Variants in CLSTN1 observed in about 807,000 individuals in gnomAD.
CLSTN1 encodes calsyntenin 1.
CLSTN1 carries 28 observed loss-of-function variants against 108.3 expected under a neutral mutation model. That is an observed-to-expected ratio of 0.26 (90% CI 0.19 to 0.35). CLSTN1 has a LOEUF of 0.35. CLSTN1 is among the 10% of genes least tolerant of loss of function. The pLI, the probability that CLSTN1 is intolerant of heterozygous loss-of-function variation, is 1.00. For synonymous variants in CLSTN1, 524 were observed against 534.9 expected, an observed-to-expected ratio of 0.98 and a Z score of 0.28; for missense variants, 1,157 against 1,302.6, an observed-to-expected ratio of 0.89 and a Z score of 1.72.
In CLSTN1 at chr1:9,762,696, C is replaced by G. The variant is rs138307127; in HGVS notation, c.215-6186G>C. Among the ~76,000 whole-genome samples the G allele has an allele frequency of 4.1e-3, 603 of 146,312 alleles. 10 individuals are homozygous for G. The highest frequency in any genetic ancestry group is 0.035 in the East Asian group (174 of 4,958). On this transcript the variant is annotated intron_variant, in intron 2 of 18. Coordinates refer to ENST00000377298, the MANE Select transcript of CLSTN1 (RefSeq NM_001009566.3). ...CTTGCCAAGCAGCGACTATCCACTT[C>G]TCCCCGCTGCACTCGGCCTTGGTGC...
chr1:9,812,856 AAAAAAAAAACAAAC>A (rs1480367055), intron 1 of CLSTN1, among the ~76,000 whole-genome samples: 3 of 151,556 alleles, frequency 2.0e-5, no homozygotes, highest in African/African-American at 7.3e-5. Flanking sequence ...CTCAAAAAAA[AAAAAAAAAACAAAC>A]AAACCTATTG....
chr1:9,757,303 G>A (rs1302068848), intron 2 of CLSTN1, among the ~76,000 whole-genome samples: 13 of 149,974 alleles, frequency 8.7e-5, no homozygotes, highest in African/African-American at 2.2e-4. Flanking sequence ...GTGCAGTGGC[G>A]TGATCTCGGC....
chr1:9,820,582 T>C (rs1655156187), intron 1 of CLSTN1, among the ~76,000 whole-genome samples: 1 of 152,110 alleles, frequency 6.6e-6, no homozygotes, highest in Non-Finnish European at 1.5e-5. Flanking sequence ...TTTTTCAGTA[T>C]ATAGCATTTA....
intron 1 of CLSTN1, chr1:9,781,169 T>G: frequency 1.3e-6 from 1 of 786,576 alleles, no homozygotes; most frequent in Non-Finnish European, 2.3e-6. Context: ...CCCAGAAGCT[T>G]TATCATCAGT....
At chr1:9,806,752 A>G (rs1654525931) in intron 1 of CLSTN1, among the ~76,000 whole-genome samples, 2 of 151,758 alleles carry the variant, frequency 1.3e-5, no homozygotes, top group African/African-American at 4.8e-5. Context: ...GGTGGCGGGC[A>G]CCTGTAGTCC....
intron 15 of CLSTN1, 42 bp downstream of exon 15, chr1:9,733,930 T>C (rs776253292): frequency 1.9e-6 from 3 of 1,572,892 alleles, no homozygotes; most frequent in Non-Finnish European, 2.6e-6. Flanking sequence ...AAGTCCCCTC[T>C]TGCAGCCTGG....
Position 9,744,650 on chromosome 1 carries a change from C to CCA in CLSTN1, c.986-9_986-8dup, listed in dbSNP as rs1651163392. 2.5e-6 allele frequency: 4 copies of CCA among 1,603,160 alleles called. No homozygotes were observed. The highest frequency in any genetic ancestry group is 3.4e-6 in the Non-Finnish European group (4 of 1,177,208). On this transcript the variant is annotated splice_polypyrimidine_tract_variant and splice_region_variant and intron_variant, in intron 7 of 18. Transcript: ENST00000377298. ...GCAGTGCCCGCGGCCGCACCTGAAG[C>CCA]CACAGTGCTCGGTGAAACTCATGTG...
intron 2 of CLSTN1, among the ~76,000 whole-genome samples, chr1:9,769,808 C>T (rs1224886497): frequency 6.6e-6 from 1 of 151,258 alleles, no homozygotes; most frequent in African/African-American, 2.4e-5. Flanking sequence ...TTTGGGAAGC[C>T]GAGGCAGGCA....
chr1:9,735,446 C>T, intron 13 of CLSTN1, 21 bp downstream of exon 13: 1 of 1,614,172 alleles, frequency 6.2e-7, no homozygotes, highest in Non-Finnish European at 8.5e-7. Flanking sequence ...AACAGGCCGG[C>T]TGTTAAAAAT....
At chr1:9,775,727 C>T (rs1445906829) in intron 1 of CLSTN1, among the ~76,000 whole-genome samples, 1 of 152,150 alleles carries the variant, frequency 6.6e-6, no homozygotes, top group East Asian at 1.9e-4. Context: ...AAAGAAATGG[C>T]TTGAAAACGT....
chr1:9,739,814 A>ATT (rs35078301), intron 10 of CLSTN1, among the ~76,000 whole-genome samples: 44 of 122,808 alleles, frequency 3.6e-4, no homozygotes, highest in African/African-American at 6.1e-4. Flanking sequence ...GCAATAGGGC[A>ATT]TTTTTTTTTT....
intron 13 of CLSTN1, 88 bp from the exon 14 acceptor site, chr1:9,735,262 A>C: frequency 6.9e-7 from 1 of 1,458,036 alleles, no homozygotes; most frequent in Non-Finnish European, 9.6e-7. Flanking sequence ...TGGGATACAG[A>C]GGCCCCCACT....
At chr1:9,759,255 T>TCAA (rs1557701836) in intron 2 of CLSTN1, among the ~76,000 whole-genome samples, 1 of 152,238 alleles carries the variant, frequency 6.6e-6, no homozygotes, top group Non-Finnish European at 1.5e-5. Flanking sequence ...TACATGAATT[T>TCAA]CAAATACAAA....
intron 2 of CLSTN1, among the ~76,000 whole-genome samples, chr1:9,770,306 GTAT>G (rs1652608852): frequency 1.3e-5 from 2 of 152,152 alleles, no homozygotes; most frequent in Middle Eastern, 3.4e-3. Context: ...ACTTGTATAA[GTAT>G]TATTTCATCT....
chr1:9,818,888 G>A (rs1293688090), intron 1 of CLSTN1, among the ~76,000 whole-genome samples: 8 of 139,436 alleles, frequency 5.7e-5, no homozygotes, highest in African/African-American at 1.1e-4. Context: ...CCGGGTTCAC[G>A]CCATTCTCCT....
At chr1:9,796,657 C>T (rs59459969) in intron 1 of CLSTN1, among the ~76,000 whole-genome samples, 1,842 of 152,070 alleles carry the variant, frequency 0.012, 42 homozygotes, top group African/African-American at 0.042. Flanking sequence ...GCACTCCAGC[C>T]TGGGCGACAG....
At chr1:9,777,116 C>T (rs1029792579) in intron 1 of CLSTN1, among the ~76,000 whole-genome samples, 7 of 147,882 alleles carry the variant, frequency 4.7e-5, no homozygotes, top group African/African-American at 2.5e-5. Context: ...GCTTCTCGGG[C>T]GGCTGAGGCA....
At chr1:9,736,063 G>T in intron 11 of CLSTN1, 21 bp from the exon 12 acceptor site, 1 of 1,613,984 alleles carries the variant, frequency 6.2e-7, no homozygotes, top group Non-Finnish European at 8.5e-7. Context: ...GGGGAGAAAA[G>T]GCGAAGTCAG....
chr1:9,760,484 G>A (rs185440807), intron 2 of CLSTN1, among the ~76,000 whole-genome samples: 15 of 152,130 alleles, frequency 9.9e-5, no homozygotes, highest in African/African-American at 2.9e-4. Flanking sequence ...TAAGGAAGAC[G>A]GATCGGACTG....
Sources: gnomAD v4.1 joint callset for allele counts (sites outside exome capture counted in the v4.1 genomes callset) on GRCh38, gnomAD v4.1.1 for gene constraint, MANE v1.5 for transcripts, NCBI Gene and HGNC (gene_info 2026-07-23, HGNC 2026-07-21) for gene names.